Variants in PTPRZ1 observed in about 807,000 individuals in gnomAD.
The protein encoded by PTPRZ1 is receptor-type tyrosine-protein phosphatase zeta.
Under a neutral mutation model 214.1 loss-of-function variants are expected in PTPRZ1, and 82 were observed. That is an observed-to-expected ratio of 0.38 (90% CI 0.32 to 0.46). The LOEUF (loss-of-function observed/expected upper bound fraction) is 0.46, where lower values mean the gene tolerates loss of function less well. Among genes scored for constraint, PTPRZ1 ranks in the 20% least tolerant of loss-of-function variants. The probability of loss-of-function intolerance (pLI) is 1.00; values close to 1 mark genes in which losing one functional copy is unlikely to be tolerated. For synonymous variants in PTPRZ1, 945 were observed against 987.9 expected, an observed-to-expected ratio of 0.96 and a Z score of 0.81; for missense variants, 2,603 against 2,748.7, an observed-to-expected ratio of 0.95 and a Z score of 1.19.
chr7:122,030,601 T>C (rs184420514), intron 14 of PTPRZ1, among the ~76,000 whole-genome samples: 95 of 152,138 alleles, frequency 6.2e-4, no homozygotes, highest in African/African-American at 2.1e-3. Flanking sequence ...CCAGTTTTTT[T>C]TTATCAGCAA....
chr7:121,890,244 C>T (rs966033290), intron 1 of PTPRZ1, among the ~76,000 whole-genome samples: 1 of 152,172 alleles, frequency 6.6e-6, no homozygotes, highest in African/African-American at 2.4e-5. Flanking sequence ...GATCTTCCTC[C>T]CATCCCAACT....
rs774250437 is a variant in PTPRZ1 at position 122,012,878 on chromosome 7, A to T, written c.3832A>T (p.Ser1278Cys). The stretch of plus-strand genomic sequence containing the variant: ...TGAACCAGTTTTGTTAAAAAGTGAA[A>T]GTTCCCACCAAGTGGTACCTTCTTT... The part of the protein sequence containing the change: ...KYEPVLLKSE[S>C]SHQVVPSLYS... The change falls in exon 12 of 30, where the codon AGT (serine) becomes TGT (cysteine). Residue 1278 changes from serine to cysteine, a missense_variant. Ser to Cys is a moderately radical substitution (Grantham distance 112). This residue lies in a region of PTPRZ1 where 1,913 missense variants were observed against 1,914.3 expected (regional missense o/e 1.00). Coordinates refer to ENST00000393386, the MANE Select transcript of PTPRZ1 (RefSeq NM_002851.3). 6.2e-7 allele frequency: 1 copy of T among 1,614,182 alleles called. No homozygotes were observed. Among genetic ancestry groups the T allele is most frequent in the South Asian group, 1.1e-5 (1 of 91,082 alleles).
intron 12 of PTPRZ1, 76 bp from the exon 13 acceptor site, chr7:122,019,048 C>T (rs1798933467): frequency 2.2e-6 from 3 of 1,379,058 alleles, no homozygotes; most frequent in Non-Finnish European, 3.0e-6. Context: ...ATGAAGGTTG[C>T]AATTAATCAG....
intron 27 of PTPRZ1, among the ~76,000 whole-genome samples, chr7:122,055,533 A>G (rs1016772843): frequency 6.6e-6 from 1 of 151,914 alleles, no homozygotes; most frequent in Non-Finnish European, 1.5e-5. Context: ...TAGAAAGTTG[A>G]TGAGTGATAG....
In PTPRZ1 at chr7:121,873,571, G is replaced by A; in HGVS notation, c.58+14G>A. On this transcript the variant is annotated intron_variant, in intron 1 of 29. Transcript: ENST00000393386. ...TTTGCCGCCTGGGTGAGTGAGAAGA[G>A]CTCGGTGGGGTTTCAGCTCCGGGAT... is the stretch of plus-strand genomic sequence containing the variant. 6.2e-7 allele frequency: 1 copy of A among 1,610,624 alleles called. No homozygotes were observed. Among genetic ancestry groups the A allele is most frequent in the Non-Finnish European group, 8.5e-7 (1 of 1,178,870 alleles).
intron 2 of PTPRZ1, among the ~76,000 whole-genome samples, chr7:121,961,097 T>G (rs938713731): frequency 2.0e-5 from 3 of 152,194 alleles, no homozygotes; most frequent in African/African-American, 4.8e-5. Context: ...AAAATCAAAT[T>G]AAGACAAATA....
chr7:121,978,113 A>G (rs1015243448), intron 6 of PTPRZ1, among the ~76,000 whole-genome samples: 3 of 152,122 alleles, frequency 2.0e-5, no homozygotes, highest in Non-Finnish European at 4.4e-5. Flanking sequence ...GTTCTTTAAA[A>G]TTTCCTTTCT....
At chr7:121,995,479 A>G (rs1317288398) in intron 8 of PTPRZ1, among the ~76,000 whole-genome samples, 1 of 152,186 alleles carries the variant, frequency 6.6e-6, no homozygotes, top group African/African-American at 2.4e-5. Context: ...AATTAGTCCA[A>G]ACTATCACAT....
intron 20 of PTPRZ1, 148 bp from the exon 21 acceptor site, chr7:122,040,668 C>T (rs527773294): frequency 3.6e-5 from 19 of 522,706 alleles, no homozygotes; most frequent in African/African-American, 2.9e-4. Context: ...TACTTTCTTT[C>T]ATTCATTATG....
intron 23 of PTPRZ1, among the ~76,000 whole-genome samples, chr7:122,046,415 A>C (rs1584775038): frequency 6.6e-6 from 1 of 152,162 alleles, no homozygotes; most frequent in African/African-American, 2.4e-5. Flanking sequence ...CTCTAAAAAA[A>C]TAAAAAAGAA....
chr7:121,917,185 T>C (rs943035479), intron 1 of PTPRZ1, among the ~76,000 whole-genome samples: 1 of 152,220 alleles, frequency 6.6e-6, no homozygotes, highest in Non-Finnish European at 1.5e-5. Context: ...GAAAGATTTT[T>C]ATGTACCGAT....
chr7:122,026,936 A>G (rs900852516), intron 13 of PTPRZ1, among the ~76,000 whole-genome samples: 1 of 152,214 alleles, frequency 6.6e-6, no homozygotes, highest in African/African-American at 2.4e-5. Flanking sequence ...CCCGAGCACT[A>G]AAGACTAACA....
intron 2 of PTPRZ1, among the ~76,000 whole-genome samples, chr7:121,939,765 A>G (rs967140292): frequency 3.3e-5 from 5 of 152,198 alleles, no homozygotes; most frequent in African/African-American, 1.2e-4. Context: ...AGATGCAGTG[A>G]TGAGTGTAAG....
Position 121,891,451 on chromosome 7 carries a change from C to CTTTTTTTTTTTTTTTTT in PTPRZ1, c.58+17908_58+17924dup, listed in dbSNP as rs58135453. On this transcript the variant is annotated intron_variant, in intron 1 of 29. Transcript: ENST00000393386. ...AAATATTTGTTGAATAAAACAACCT[C>CTTTTTTTTTTTTTTTTT]TTTTTTTTTTTTTTTTTTTTTTTTT... is the stretch of plus-strand genomic sequence containing the variant. Among the ~76,000 whole-genome samples the CTTTTTTTTTTTTTTTTT allele has an allele frequency of 1.8e-3, 64 of 35,760 alleles. 2 individuals carry two copies. The highest frequency in any genetic ancestry group is 2.3e-3 in the African/African-American group (20 of 8,770). 23.5% of individuals were successfully genotyped at this position (35,760 alleles called of 152,430 possible).
chr7:121,978,133 T>G (rs961439657), intron 6 of PTPRZ1, among the ~76,000 whole-genome samples: 1 of 152,190 alleles, frequency 6.6e-6, no homozygotes, highest in South Asian at 2.1e-4. Flanking sequence ...TAATATCTAC[T>G]GTCTGAAAGC....
intron 10 of PTPRZ1, among the ~76,000 whole-genome samples, chr7:121,999,767 T>C (rs1437832278): frequency 6.6e-6 from 1 of 152,192 alleles, no homozygotes; most frequent in Non-Finnish European, 1.5e-5. Context: ...AAGAAACAGA[T>C]TAAATATGTA....
At chr7:122,046,225 G>T (rs1440193144) in intron 23 of PTPRZ1, among the ~76,000 whole-genome samples, 3 of 152,008 alleles carry the variant, frequency 2.0e-5, no homozygotes, top group Non-Finnish European at 4.4e-5. Flanking sequence ...AGACCAGCTT[G>T]GGCAACAGAG....
chr7:122,033,827 A>G (rs1410021119), intron 15 of PTPRZ1: 78 of 451,152 alleles, frequency 1.7e-4, no homozygotes, highest in Middle Eastern at 5.9e-4. Flanking sequence ...TCTCATCTGC[A>G]TTTTTAAAAT....
intron 9 of PTPRZ1, among the ~76,000 whole-genome samples, chr7:121,996,872 G>A (rs946013495): frequency 1.3e-5 from 2 of 152,108 alleles, no homozygotes; most frequent in Non-Finnish European, 2.9e-5. Flanking sequence ...TTCAGTTGTA[G>A]AATAGTGCCA....
Sources: gnomAD v4.1 joint callset for allele counts (sites outside exome capture counted in the v4.1 genomes callset) on GRCh38, gnomAD v4.1.1 for gene constraint, gnomAD v4.1.1 regional missense constraint, MANE v1.5 for transcripts, NCBI Gene and HGNC (gene_info 2026-07-23, HGNC 2026-07-21) for gene names.